The following CSF2RA variants were observed in gnomAD, a reference collection of about 807,000 sequenced individuals.
CSF2RA encodes the protein colony stimulating factor 2 receptor subunit alpha.
CSF2RA carries 42 observed loss-of-function variants against 51.6 expected under a neutral mutation model. That is an observed-to-expected ratio of 0.81 (90% CI 0.64 to 1.05). The LOEUF is 1.05. CSF2RA is among the 50% of genes least tolerant of loss of function. The probability of loss-of-function intolerance (pLI) is 0.00; values close to 1 mark genes in which losing one functional copy is unlikely to be tolerated. For synonymous variants in CSF2RA, 222 were observed against 193.0 expected, an observed-to-expected ratio of 1.15 and a Z score of -1.24; for missense variants, 530 against 501.1, an observed-to-expected ratio of 1.06 and a Z score of -0.55.
chrX:1,299,648 T>A (rs1217696825), intron 9 of CSF2RA, among the ~76,000 whole-genome samples: 1 of 152,154 alleles, frequency 6.6e-6, no homozygotes, highest in Non-Finnish European at 1.5e-5. Context: ...CCAGGCACGG[T>A]GGCTCACGCC....
the CSF2RA span, among the ~76,000 whole-genome samples, chrX:1,319,814 A>G: frequency 6.7e-6 from 1 of 148,506 alleles, no homozygotes; most frequent in African/African-American, 2.5e-5. Flanking sequence ...TCCCAGGTTC[A>G]AGCGATTCTC....
At chrX:1,270,925 C>T (rs1476861149) in intron 1 of CSF2RA, among the ~76,000 whole-genome samples, 1 of 150,970 alleles carries the variant, frequency 6.6e-6, no homozygotes, top group Non-Finnish European at 1.5e-5. Context: ...GCCTGTAATC[C>T]CAATATTTTG....
chrX:1,291,206 G>A (rs1467280941), intron 7 of CSF2RA, among the ~76,000 whole-genome samples: 1 of 151,000 alleles, frequency 6.6e-6, no homozygotes, highest in Non-Finnish European at 1.5e-5. Context: ...ACAGGCGTCA[G>A]CCACTGCACC....
intron 6 of CSF2RA, chrX:1,289,180 G>C (rs1300343283): frequency 8.9e-6 from 4 of 451,932 alleles, no homozygotes; most frequent in Non-Finnish European, 1.6e-5. Flanking sequence ...CTGGAGTGTA[G>C]TGATGTGATC....
intron 2 of CSF2RA, among the ~76,000 whole-genome samples, chrX:1,275,306 G>T (rs1464018882): frequency 6.6e-6 from 1 of 151,740 alleles, no homozygotes; most frequent in African/African-American, 2.4e-5. Context: ...CAGGAGAATC[G>T]CTTGAACCCA....
At chrX:1,314,373 A>ACC (rs2084360539), downstream of CSF2RA, among the ~76,000 whole-genome samples, 9 of 145,962 alleles carry the variant, frequency 6.2e-5, no homozygotes, top group South Asian at 2.2e-4. Flanking sequence ...CATCTGCCCA[A>ACC]CCACTCTGTG....
chrX:1,269,622 C>CAAAA (rs1304105564), intron 1 of CSF2RA, among the ~76,000 whole-genome samples: 1 of 75,150 alleles, frequency 1.3e-5, no homozygotes. Flanking sequence ...GATTCTGTCT[C>CAAAA]AAAAAAAAGA....
chrX:1,287,387 C>CAG (rs1467513255), intron 4 of CSF2RA, among the ~76,000 whole-genome samples: 5 of 146,866 alleles, frequency 3.4e-5, no homozygotes, highest in Non-Finnish European at 6.0e-5. Context: ...CTCCTGACCT[C>CAG]GTGATCCACC....
At chrX:1,293,906 A>ACCTCTCGGGTTCAGGGGT in intron 7 of CSF2RA, 1 of 316,452 alleles carries the variant, frequency 3.2e-6, no homozygotes, top group South Asian at 2.9e-5. Context: ...TGTAGACAGG[A>ACCTCTCGGGTTCAGGGGT]GAAGACTCTG....
chrX:1,271,502 G>A (rs1215138019), intron 1 of CSF2RA, among the ~76,000 whole-genome samples: 7 of 147,132 alleles, frequency 4.8e-5, no homozygotes, highest in African/African-American at 1.7e-4. Flanking sequence ...ACCATGCCCA[G>A]CTAATTTTTG....
At chrX:1,314,251 C>CCTGCCCAACCCCACAGCAT (rs2084323804), downstream of CSF2RA, among the ~76,000 whole-genome samples, 3 of 27,758 alleles carry the variant, frequency 1.1e-4, no homozygotes, top group Non-Finnish European at 2.5e-4. Context: ...CCCCACTGCA[C>CCTGCCCAACCCCACAGCAT]CTGCCCAACC....
At chrX:1,269,295 A>G (rs73618020) in intron 1 of CSF2RA, among the ~76,000 whole-genome samples, 17,515 of 152,096 alleles carry the variant, frequency 0.12, 1,992 homozygotes, top group African/African-American at 0.3. Flanking sequence ...ACGTGAATTC[A>G]CAGCTATCTG....
rs2083260138 is a variant in CSF2RA, at chrX:1,303,784, G to A, written c.947-139G>A. 5 of 809,690 alleles carry A rather than the reference G, an allele frequency of 6.2e-6. No individual in the cohort carries two copies. The Admixed American group carries it at 8.8e-5, about 14-fold the overall frequency. The allele number at this position is 809,690 out of a possible 1,614,324, so 50.2% of individuals were successfully genotyped here. A position where few individuals can be genotyped will look rare whatever the true frequency, so the allele number is the denominator to read the frequency against. On this transcript the variant is annotated intron_variant, in intron 10 of 12. Transcript: ENST00000381529. Reference sequence around the variant, plus strand: ...CATCTTAGTTAAGAACCAAAAACAGGGAGGCAGGTTTGCTGGGCCCAGTTC... The same window carrying A: ...CATCTTAGTTAAGAACCAAAAACAGAGAGGCAGGTTTGCTGGGCCCAGTTC...
In CSF2RA at chrX:1,274,819, G is replaced by A. The variant is rs1443864252; in HGVS notation, c.-27+1G>A. The A allele has an allele frequency of 2.2e-5, 10 of 453,406 alleles. No individual in the cohort carries two copies. Among genetic ancestry groups the A allele is most frequent in the Admixed American group, 4.7e-5 (2 of 42,418 alleles). 28.1% of individuals were successfully genotyped at this position (453,406 alleles called of 1,614,324 possible). On this transcript the variant is annotated splice_donor_variant, in intron 2 of 12. Transcript: ENST00000381529. LOFTEE classifies it low-confidence loss of function (5UTR_SPLICE). The stretch of plus-strand genomic sequence containing the variant: ...AGCGGCGATGTTTGCGTAGAACCCT[G>A]TACGTGCTTCCTTCGGCCTGTCGGT...
the CSF2RA span, among the ~76,000 whole-genome samples, chrX:1,323,361 G>A: frequency 6.6e-6 from 1 of 151,504 alleles, no homozygotes; most frequent in African/African-American, 2.4e-5. Context: ...GTGAGCCACC[G>A]CACCTGGCCC....
intron 9 of CSF2RA, among the ~76,000 whole-genome samples, chrX:1,299,372 C>T (rs1476156457): frequency 6.6e-6 from 1 of 152,180 alleles, no homozygotes; most frequent in Non-Finnish European, 1.5e-5. Flanking sequence ...CCTTGCTAAA[C>T]TATCCGTCTG....
chrX:1,309,647 G>A lies in CSF2RA; in HGVS notation c.*168G>A. ...CACGCCTGTAATCCCAGCACTTTGG[G>A]AGGCCAAGGCAGGCGGATCACCTGA... is the stretch of plus-strand genomic sequence containing the variant. On this transcript the variant is annotated 3_prime_UTR_variant, in exon 13 of 13. Transcript: ENST00000381529. 1 of 1,523,798 alleles carries A rather than the reference G, an allele frequency of 6.6e-7. No individual in the cohort carries two copies. Among genetic ancestry groups the A allele is most frequent in the Non-Finnish European group, 9.1e-7 (1 of 1,098,896 alleles). The allele number at this position is 1,523,798 out of a possible 1,614,324, so 94.4% of individuals were successfully genotyped here. A position where few individuals can be genotyped will look rare whatever the true frequency, so the allele number is the denominator to read the frequency against.
At chrX:1,315,546 C>G in the CSF2RA span, among the ~76,000 whole-genome samples, 59,408 of 151,698 alleles carry the variant, frequency 0.39, 11,565 homozygotes, top group East Asian at 0.46. Flanking sequence ...TGAGATTACA[C>G]GTGTGCACCA....
intron 4 of CSF2RA, among the ~76,000 whole-genome samples, chrX:1,286,503 A>T (rs2090681065): frequency 6.6e-6 from 1 of 151,636 alleles, no homozygotes; most frequent in South Asian, 2.1e-4. Flanking sequence ...CGGGAGGCGG[A>T]GGTTGCGGTG....
Sources: allele counts gnomAD v4.1 joint callset (sites outside exome capture counted in the v4.1 genomes callset), GRCh38; gene constraint gnomAD v4.1.1; transcripts MANE v1.5; gene names NCBI Gene and HGNC (gene_info 2026-07-23, HGNC 2026-07-21).